The following HMOX2 variants were observed in gnomAD, a reference collection of about 807,000 sequenced individuals.
The protein encoded by HMOX2 is heme oxygenase (decycling) 2.
HMOX2 carries 30 observed loss-of-function variants against 33.7 expected under a neutral mutation model. That is an observed-to-expected ratio of 0.89 (90% confidence interval 0.67 to 1.21). The LOEUF is 1.21. Ranked by LOEUF, HMOX2 falls within the 50% of genes most tolerant of loss-of-function variation. HMOX2 has a pLI of 0.00. For missense variants in HMOX2, 403 were observed against 399.1 expected (o/e 1.01, Z -0.08); for synonymous variants, 155 against 155.0 (o/e 1.00, Z 0.00).
chr16:4,491,656 A>T (rs376941277), intron 1 of HMOX2, among the ~76,000 whole-genome samples: 7 of 151,810 alleles, frequency 4.6e-5, no homozygotes, highest in Admixed American at 3.3e-4. Context: ...TGTCTCAAAA[A>T]ATATATATAT....
intron 1 of HMOX2, among the ~76,000 whole-genome samples, chr16:4,479,011 C>T (rs2057946034): frequency 6.6e-6 from 1 of 151,958 alleles, no homozygotes; most frequent in Admixed American, 6.6e-5. Context: ...AAAAATTAGC[C>T]TTGCAAAAAG....
intron 4 of HMOX2, 30 bp downstream of exon 4, chr16:4,508,234 C>T (rs767602543): frequency 6.4e-7 from 1 of 1,567,696 alleles, no homozygotes; most frequent in Non-Finnish European, 8.6e-7. Context: ...GCTGCTAGGG[C>T]TGAAGAGGGA....
intron 1 of HMOX2, among the ~76,000 whole-genome samples, chr16:4,504,682 C>CTT (rs56922429): frequency 3.2e-4 from 21 of 65,836 alleles, no homozygotes; most frequent in African/African-American, 1.2e-3. Flanking sequence ...TTGATACGGT[C>CTT]TTTTTTTTTT....
intron 1 of HMOX2, among the ~76,000 whole-genome samples, chr16:4,489,209 C>T (rs2141549888): frequency 6.6e-6 from 1 of 152,316 alleles, no homozygotes; most frequent in South Asian, 2.1e-4. Flanking sequence ...ATTTTCCCTT[C>T]ACACATGAAA....
At chr16:4,487,951 C>CAAAA (rs71139635) in intron 1 of HMOX2, among the ~76,000 whole-genome samples, 1 of 70,656 alleles carries the variant, frequency 1.4e-5, no homozygotes, top group Non-Finnish European at 3.2e-5. Context: ...AACTCTGTCT[C>CAAAA]AAAAAAAAAA....
intron 1 of HMOX2, among the ~76,000 whole-genome samples, chr16:4,502,051 C>T (rs2058572204): frequency 6.6e-6 from 1 of 152,262 alleles, no homozygotes; most frequent in South Asian, 2.1e-4. Context: ...AAGTCGTGGA[C>T]AGCAGATTAC....
intron 1 of HMOX2, among the ~76,000 whole-genome samples, chr16:4,494,771 T>C (rs768866315): frequency 6.6e-6 from 1 of 151,758 alleles, no homozygotes; most frequent in Non-Finnish European, 1.5e-5. Flanking sequence ...CCCAGCTGCT[T>C]TGGGGGCTGA....
chr16:4,486,755 A>G (rs1343792186), intron 1 of HMOX2, among the ~76,000 whole-genome samples: 1 of 152,168 alleles, frequency 6.6e-6, no homozygotes, highest in Non-Finnish European at 1.5e-5. Context: ...TAGCACAGGT[A>G]GTGGGAAATG....
chr16:4,486,924 A>T (rs2058182677), intron 1 of HMOX2, among the ~76,000 whole-genome samples: 1 of 152,070 alleles, frequency 6.6e-6, no homozygotes, highest in Non-Finnish European at 1.5e-5. Context: ...AAGCTCACTT[A>T]TTTCCTTTTT....
intron 1 of HMOX2, among the ~76,000 whole-genome samples, chr16:4,493,431 ATT>A (rs2058349295): frequency 6.6e-6 from 1 of 152,200 alleles, no homozygotes; most frequent in Admixed American, 6.5e-5. Context: ...TTTATAACTC[ATT>A]TATCTCATTT....
intron 1 of HMOX2, among the ~76,000 whole-genome samples, chr16:4,476,874 G>C (rs1255186934): frequency 6.6e-6 from 1 of 152,176 alleles, no homozygotes; most frequent in Non-Finnish European, 1.5e-5. Flanking sequence ...GGGCGTCGGC[G>C]GTGCAGACAG....
intron 1 of HMOX2, among the ~76,000 whole-genome samples, chr16:4,489,572 C>T (rs1340019109): frequency 1.3e-5 from 2 of 152,180 alleles, no homozygotes; most frequent in East Asian, 3.9e-4. Context: ...GATACTCCTA[C>T]CTCAGCCTCC....
In HMOX2 at chr16:4,507,946, G is replaced by T. The variant is rs149403634; in HGVS notation, c.438G>T (p.Pro146=). The part of the protein sequence containing the change: ...ERIHYIGQNE[P]ELLVAHAYTR... ...TCCACTACATAGGGCAGAACGAGCC[G>T]GAGCTACTGGTGGCCCATGCATACA... Residue 146 remains proline (P), a synonymous_variant, in exon 4 of 6, where the codon CCG becomes CCT. Transcript: ENST00000570646. 294 of 1,613,824 alleles carry T rather than the reference G, an allele frequency of 1.8e-4. No individual in the cohort carries two copies. The highest frequency in any genetic ancestry group is 2.4e-4 in the Non-Finnish European group (288 of 1,179,940).
intron 4 of HMOX2, 47 bp from the exon 5 acceptor site, chr16:4,509,365 A>T (rs757587101): frequency 1.3e-6 from 2 of 1,576,954 alleles, no homozygotes; most frequent in Admixed American, 2.0e-5. Flanking sequence ...AAAAAAAAAA[A>T]GTATGGGCAG....
At chr16:4,494,514 A>C (rs1243706197) in intron 1 of HMOX2, among the ~76,000 whole-genome samples, 1 of 151,980 alleles carries the variant, frequency 6.6e-6, no homozygotes, top group Admixed American at 6.6e-5. Flanking sequence ...CTGCTCTTTA[A>C]GTGTGGTTAT....
chr16:4,510,011 C>T lies in HMOX2; in HGVS notation c.*255C>T, dbSNP rs2058798113. The T allele has an allele frequency of 1.9e-6, 1 of 527,850 alleles. No homozygotes were observed. The allele number at this position is 527,850 out of a possible 1,614,324, so 32.7% of individuals were successfully genotyped here. A position where few individuals can be genotyped will look rare whatever the true frequency, so the allele number is the denominator to read the frequency against. Reference sequence around the variant, plus strand: ...AGCAAGCCTGGCCCCCGACCCAGCTCTACTCCAGGCTTCCACACTTCTGGG... The same window carrying T: ...AGCAAGCCTGGCCCCCGACCCAGCTTTACTCCAGGCTTCCACACTTCTGGG... On this transcript the variant is annotated 3_prime_UTR_variant, in exon 6 of 6. Transcript: ENST00000570646.
At chr16:4,494,880 A>G (rs2058382825) in intron 1 of HMOX2, among the ~76,000 whole-genome samples, 1 of 152,054 alleles carries the variant, frequency 6.6e-6, no homozygotes, top group Non-Finnish European at 1.5e-5. Flanking sequence ...CTGTCTAAAA[A>G]AAAAAAGTTT....
chr16:4,506,384 T>G lies in HMOX2; in HGVS notation c.87-511T>G, dbSNP rs550791738. On this transcript the variant is annotated intron_variant, in intron 2 of 5. Coordinates refer to ENST00000570646, the MANE Select transcript of HMOX2 (RefSeq NM_002134.4). ...TGTCTCCTTTGCATCCTTCCGTGCT[T>G]GGTCCTAGTCACATATAGTCTCAAA... Among the ~76,000 whole-genome samples, 11 of 152,314 alleles carry G rather than the reference T, an allele frequency of 7.2e-5. No homozygotes were observed. The South Asian group carries it at 2.3e-3, about 32-fold the overall frequency.
rs1389065956 is a variant in HMOX2 at position 4,507,682 on chromosome 16, C to T, written c.205-31C>T. 8 of 1,601,772 alleles carry T rather than the reference C, an allele frequency of 5.0e-6. No individual in the cohort carries two copies. In the Admixed American group the frequency reaches 1.2e-4, roughly 24 times the overall value. Reference sequence around the variant, plus strand: ...GCTGCTCGGATGTGGTGTGCTCAGGCATAGCTGGCCTCCTCCTGTCACCTC... The same window carrying T: ...GCTGCTCGGATGTGGTGTGCTCAGGTATAGCTGGCCTCCTCCTGTCACCTC... On this transcript the variant is annotated intron_variant, in intron 3 of 5. Transcript: ENST00000570646.
Sources: allele counts gnomAD v4.1 joint callset (sites outside exome capture counted in the v4.1 genomes callset), GRCh38; gene constraint gnomAD v4.1.1; transcripts MANE v1.5; gene names NCBI Gene and HGNC (gene_info 2026-07-23, HGNC 2026-07-21).